Variants in DNM3 observed in about 807,000 individuals in gnomAD.
DNM3 encodes dynamin 3.
In DNM3, 47 loss-of-function variants were observed where a neutral mutation model predicts 101.6. The observed-to-expected ratio is 0.46, with a 90% CI of 0.37 to 0.59. The LOEUF (loss-of-function observed/expected upper bound fraction) is 0.59. Among genes scored for constraint, DNM3 ranks in the 20% least tolerant of loss-of-function variants. The pLI, the probability that DNM3 is intolerant of heterozygous loss-of-function variation, is 0.00. For synonymous variants in DNM3, 385 were observed against 387.9 expected, an observed-to-expected ratio of 0.99 and a Z score of 0.09; for missense variants, 849 against 1,085.7, an observed-to-expected ratio of 0.78 and a Z score of 3.06.
rs1558074532 is a variant in DNM3 at position 172,387,218 on chromosome 1, A to G, written c.2144A>G (p.Gln715Arg). 6.2e-7 allele frequency: 1 copy of G among 1,614,004 alleles called. No homozygotes were observed. The highest frequency in any genetic ancestry group is 1.7e-5 in the Admixed American group (1 of 60,020). The change falls in exon 19 of 21, where the codon CAG becomes CGG. Residue 715 changes from glutamine (Q) to arginine (R), a missense_variant. Around this residue, in one of 5 missense-constraint regions of DNM3, gnomAD observed 256 missense variants for 311.7 expected, o/e 0.82. Transcript: ENST00000627582. ...QNTLMEESAEQAQRRDEMLRM... is the reference protein window; with the variant it reads ...QNTLMEESAERAQRRDEMLRM... Reference sequence around the variant, plus strand: ...ACCCTGATGGAGGAATCTGCTGAGCAGGCTCAGCGCCGGGATGAGATGCTT... The same window carrying G: ...ACCCTGATGGAGGAATCTGCTGAGCGGGCTCAGCGCCGGGATGAGATGCTT...
chr1:172,066,952 T>TTGTGTGTG (rs61202714), intron 10 of DNM3, among the ~76,000 whole-genome samples: 103 of 150,230 alleles, frequency 6.9e-4, no homozygotes, highest in East Asian at 3.0e-3. Context: ...GTCTCTGTGT[T>TTGTGTGTG]TGTGTGTGTG....
At chr1:171,910,434 G>T (rs1163515608) in intron 1 of DNM3, among the ~76,000 whole-genome samples, 3 of 152,152 alleles carry the variant, frequency 2.0e-5, no homozygotes, top group African/African-American at 7.2e-5. Flanking sequence ...TACACTATCT[G>T]CCTGTTAGTA....
intron 4 of DNM3, among the ~76,000 whole-genome samples, chr1:171,993,847 A>T (rs78584486): frequency 0.014 from 2,155 of 151,882 alleles, 49 homozygotes; most frequent in African/African-American, 0.048. Flanking sequence ...AAGTTTGCTG[A>T]TTCTTTCTGC....
intron 18 of DNM3, among the ~76,000 whole-genome samples, chr1:172,382,264 G>T (rs2068950531): frequency 1.3e-5 from 2 of 152,102 alleles, no homozygotes; most frequent in African/African-American, 4.8e-5. Flanking sequence ...TTTTGCTCAG[G>T]ACTTTAAAGC....
chr1:171,848,074 A>G (rs1303251293), intron 1 of DNM3, among the ~76,000 whole-genome samples: 2 of 152,146 alleles, frequency 1.3e-5, no homozygotes, highest in African/African-American at 2.4e-5. Context: ...AGATTTGCCC[A>G]AGGTCAGAAG....
intron 17 of DNM3, among the ~76,000 whole-genome samples, chr1:172,344,789 G>A (rs1406242814): frequency 1.3e-5 from 2 of 152,118 alleles, no homozygotes; most frequent in East Asian, 1.9e-4. Context: ...CGAAATAGAC[G>A]AGGAATCACT....
intron 10 of DNM3, among the ~76,000 whole-genome samples, chr1:172,050,677 T>G (rs926748408): frequency 1.3e-5 from 2 of 152,168 alleles, no homozygotes; most frequent in African/African-American, 2.4e-5. Flanking sequence ...ATTTCACAAG[T>G]ATCTTCATGT....
intron 15 of DNM3, among the ~76,000 whole-genome samples, chr1:172,264,165 T>C (rs1573201243): frequency 6.6e-6 from 1 of 152,202 alleles, no homozygotes; most frequent in East Asian, 1.9e-4. Flanking sequence ...GGAAATAGTA[T>C]TAGTCAAAGC....
rs1480713653 is a variant in DNM3, at chr1:172,288,253, T to C, written c.1770-20475T>C. Among the ~76,000 whole-genome samples the C allele has an allele frequency of 2.0e-5, 3 of 152,170 alleles. No homozygotes were observed. The East Asian group carries it at 5.8e-4, about 29-fold the overall frequency. On this transcript the variant is annotated intron_variant, in intron 15 of 20. Transcript: ENST00000627582. Reference sequence around the variant, plus strand: ...CTGTCCATTTGGGGATTTCAGGGAATGGTCAAAACTAACACTAGAAGAATG... The same window carrying C: ...CTGTCCATTTGGGGATTTCAGGGAACGGTCAAAACTAACACTAGAAGAATG...
intron 1 of DNM3, among the ~76,000 whole-genome samples, chr1:171,914,741 A>G (rs2039578425): frequency 6.6e-6 from 1 of 152,184 alleles, no homozygotes; most frequent in Admixed American, 6.5e-5. Flanking sequence ...TGTGAATTAG[A>G]TGTAGGATTG....
intron 4 of DNM3, among the ~76,000 whole-genome samples, chr1:172,005,513 G>A (rs1462096217): frequency 1.3e-5 from 2 of 151,844 alleles, no homozygotes; most frequent in Non-Finnish European, 1.5e-5. Flanking sequence ...TAGGGCTGCC[G>A]ACACTATCAC....
At chr1:171,912,203 C>G (rs2039364392) in intron 1 of DNM3, among the ~76,000 whole-genome samples, 1 of 151,984 alleles carries the variant, frequency 6.6e-6, no homozygotes, top group East Asian at 1.9e-4. Context: ...GGTGATATTG[C>G]CCCCAACAGG....
intron 2 of DNM3, among the ~76,000 whole-genome samples, chr1:171,949,184 A>AG (rs1331859518): frequency 4.6e-5 from 7 of 152,232 alleles, no homozygotes; most frequent in Non-Finnish European, 1.0e-4. Context: ...ATTAACAAAA[A>AG]CATATTACTC....
At chr1:172,021,340 G>A (rs902741752) in intron 4 of DNM3, among the ~76,000 whole-genome samples, 5 of 151,932 alleles carry the variant, frequency 3.3e-5, no homozygotes, top group African/African-American at 9.7e-5. Context: ...AAGTATGGTG[G>A]TGCATGTTTG....
At chr1:172,243,847 T>C (rs1269262734) in intron 14 of DNM3, among the ~76,000 whole-genome samples, 1 of 152,160 alleles carries the variant, frequency 6.6e-6, no homozygotes, top group Non-Finnish European at 1.5e-5. Flanking sequence ...TACTTGTACA[T>C]CTCTATAGTT....
intron 1 of DNM3, among the ~76,000 whole-genome samples, chr1:171,889,369 T>G (rs755342315): frequency 1.3e-5 from 2 of 152,138 alleles, no homozygotes; most frequent in Non-Finnish European, 2.9e-5. Flanking sequence ...AACCATGGAC[T>G]ATATTTATAT....
downstream of DNM3, among the ~76,000 whole-genome samples, chr1:172,414,023 T>C (rs764380434): frequency 6.6e-6 from 1 of 152,252 alleles, no homozygotes; most frequent in Non-Finnish European, 1.5e-5. Flanking sequence ...AAGAAACTTA[T>C]TGTAACTATT....
At chr1:172,332,045 A>C (rs2066211832) in intron 17 of DNM3, among the ~76,000 whole-genome samples, 1 of 152,178 alleles carries the variant, frequency 6.6e-6, no homozygotes, top group African/African-American at 2.4e-5. Flanking sequence ...ATCAAAAAAA[A>C]AGCTTATTGG....
chr1:172,414,642 A>T (rs1343874634), downstream of DNM3, among the ~76,000 whole-genome samples: 1 of 152,186 alleles, frequency 6.6e-6, no homozygotes, highest in Non-Finnish European at 1.5e-5. Context: ...TCTCACTAAC[A>T]AAAAGTTGGA....
Sources: gnomAD v4.1 joint callset for allele counts (sites outside exome capture counted in the v4.1 genomes callset) on GRCh38, gnomAD v4.1.1 for gene constraint, gnomAD v4.1.1 regional missense constraint, MANE v1.5 for transcripts, NCBI Gene and HGNC (gene_info 2026-07-23, HGNC 2026-07-21) for gene names.